EXOC6B: variants seen among roughly 807,000 people sequenced by gnomAD.
EXOC6B encodes the protein SEC15 homolog B.
Under a neutral mutation model 113.5 loss-of-function variants are expected in EXOC6B, and 54 were observed. The observed-to-expected ratio is 0.48, with a 90% confidence interval of 0.38 to 0.60. EXOC6B has a LOEUF of 0.60. Among genes scored for constraint, EXOC6B ranks in the 20% least tolerant of loss-of-function variants. The pLI is 0.00. For synonymous variants in EXOC6B, 357 were observed against 339.0 expected, an observed-to-expected ratio of 1.05 and a Z score of -0.58; for missense variants, 797 against 977.5, an observed-to-expected ratio of 0.82 and a Z score of 2.46.
intron 6 of EXOC6B, among the ~76,000 whole-genome samples, chr2:72,717,724 C>T (rs752124315): frequency 2.6e-5 from 4 of 151,542 alleles, no homozygotes; most frequent in African/African-American, 7.3e-5. Context: ...ATCTTGCTTA[C>T]GTAGTAAATA....
intron 1 of EXOC6B, among the ~76,000 whole-genome samples, chr2:72,761,948 T>TA (rs922584603): frequency 1.2e-4 from 18 of 150,470 alleles, no homozygotes; most frequent in African/African-American, 3.4e-4. Flanking sequence ...ATCTCAAATT[T>TA]AAAAAAAAGA....
At chr2:72,640,271 G>A (rs765050856) in intron 6 of EXOC6B, among the ~76,000 whole-genome samples, 37 of 152,162 alleles carry the variant, frequency 2.4e-4, no homozygotes, top group Non-Finnish European at 5.0e-4. Flanking sequence ...AAGAATCTCA[G>A]AGCTTGAAGA....
chr2:72,818,148 T>C (rs1686373610), intron 1 of EXOC6B, among the ~76,000 whole-genome samples: 3 of 151,808 alleles, frequency 2.0e-5, no homozygotes, highest in South Asian at 4.2e-4. Flanking sequence ...ATTTTTGTTT[T>C]GTTTTCTTTT....
intron 5 of EXOC6B, 47 bp from the exon 6 acceptor site, chr2:72,718,354 G>T: frequency 6.5e-7 from 1 of 1,547,478 alleles, no homozygotes; most frequent in Non-Finnish European, 8.9e-7. Context: ...TTTCTTTAGG[G>T]TTAGGCAAAA....
intron 6 of EXOC6B, among the ~76,000 whole-genome samples, chr2:72,684,010 C>T (rs1676905114): frequency 6.6e-6 from 1 of 152,184 alleles, no homozygotes; most frequent in Non-Finnish European, 1.5e-5. Context: ...TGGCTCACTG[C>T]AACCTCCGCT....
At chr2:72,818,474 T>C (rs1192900873) in intron 1 of EXOC6B, among the ~76,000 whole-genome samples, 1 of 152,036 alleles carries the variant, frequency 6.6e-6, no homozygotes, top group Middle Eastern at 3.2e-3. Flanking sequence ...TTTGTATTTT[T>C]AGTAGAGACA....
intron 20 of EXOC6B, among the ~76,000 whole-genome samples, chr2:72,248,404 C>T (rs917785568): frequency 6.6e-6 from 1 of 152,122 alleles, no homozygotes; most frequent in Non-Finnish European, 1.5e-5. Context: ...ACTGTAAACT[C>T]TTCACAGGGA....
At chr2:72,666,717 T>C (rs1199546313) in intron 6 of EXOC6B, among the ~76,000 whole-genome samples, 1 of 151,438 alleles carries the variant, frequency 6.6e-6, no homozygotes, top group Non-Finnish European at 1.5e-5. Flanking sequence ...ATCAGTAGCA[T>C]TTCTATACAC....
intron 18 of EXOC6B, among the ~76,000 whole-genome samples, chr2:72,396,947 C>T (rs948691327): frequency 1.1e-4 from 16 of 150,704 alleles, no homozygotes; most frequent in African/African-American, 1.5e-4. Flanking sequence ...CAGACATTGG[C>T]GACTGGGAGA....
At chr2:72,277,769 C>T (rs559800535) in intron 20 of EXOC6B, among the ~76,000 whole-genome samples, 21 of 152,198 alleles carry the variant, frequency 1.4e-4, no homozygotes, top group Non-Finnish European at 2.6e-4. Context: ...GCTGGGATTA[C>T]AGGTGTGAGC....
chr2:72,725,878 T>A (rs1308233590), intron 5 of EXOC6B, among the ~76,000 whole-genome samples: 2 of 152,198 alleles, frequency 1.3e-5, no homozygotes, highest in Non-Finnish European at 2.9e-5. Flanking sequence ...TACTCCTAAG[T>A]ATATTTGCAA....
intron 20 of EXOC6B, among the ~76,000 whole-genome samples, chr2:72,259,803 C>T (rs1460184600): frequency 1.4e-5 from 2 of 145,356 alleles, no homozygotes; most frequent in Non-Finnish European, 3.0e-5. Flanking sequence ...GTAATCCCAG[C>T]ACTTTGGGAA....
At position 72,704,058 on chromosome 2, in the gene EXOC6B, A is replaced by C. The variant is rs1401278760; in HGVS notation, c.669+14045T>G. Among the ~76,000 whole-genome samples, 5 of 151,354 alleles carry C rather than the reference A, an allele frequency of 3.3e-5. No individual in the cohort carries two copies. The East Asian group carries it at 9.7e-4, about 29-fold the overall frequency. On this transcript the variant is annotated intron_variant, in intron 6 of 21. Coordinates refer to ENST00000272427, the MANE Select transcript of EXOC6B (RefSeq NM_015189.3). ...AGCACCACACCACACCTATTCCAAAATTGACCACATACTGGGAAGTAAAGC... is the reference window on the plus strand; with the variant it reads ...AGCACCACACCACACCTATTCCAAACTTGACCACATACTGGGAAGTAAAGC...
At chr2:72,781,356 A>T (rs534605985) in intron 1 of EXOC6B, among the ~76,000 whole-genome samples, 1 of 152,252 alleles carries the variant, frequency 6.6e-6, no homozygotes, top group South Asian at 2.1e-4. Flanking sequence ...AACAATAAAG[A>T]TTTCTTTCTG....
intron 18 of EXOC6B, among the ~76,000 whole-genome samples, chr2:72,432,532 A>G (rs1332069648): frequency 6.6e-6 from 1 of 151,988 alleles, no homozygotes; most frequent in African/African-American, 2.4e-5. Flanking sequence ...ACTAATTTAC[A>G]CTCCCACCAG....
In EXOC6B at chr2:72,280,835, G is replaced by A. The variant is rs184919235; in HGVS notation, c.2196+54112C>T. ...GAGAGGCAAAGAGGCTAAGAGAACT[G>A]CTGGCAAACTCACAGCTGGATAAAC... On this transcript the variant is annotated intron_variant, in intron 20 of 21. Coordinates refer to ENST00000272427, the MANE Select transcript of EXOC6B (RefSeq NM_015189.3). Among the ~76,000 whole-genome samples the A allele has an allele frequency of 3.2e-4, 49 of 152,134 alleles. 1 individual carries two copies. In the East Asian group the frequency reaches 8.9e-3, roughly 28 times the overall value.
At chr2:72,372,199 G>A (rs1363494768) in intron 19 of EXOC6B, among the ~76,000 whole-genome samples, 4 of 152,266 alleles carry the variant, frequency 2.6e-5, no homozygotes, top group Middle Eastern at 6.8e-3. Context: ...GACATTGCAT[G>A]GTCATGGATT....
chr2:72,369,487 G>T (rs1396758070), intron 19 of EXOC6B, among the ~76,000 whole-genome samples: 16 of 152,110 alleles, frequency 1.1e-4, no homozygotes, highest in African/African-American at 3.4e-4. Context: ...CCAATGACTT[G>T]CTTCACAGAA....
At chr2:72,705,008 A>C (rs1018605047) in intron 6 of EXOC6B, among the ~76,000 whole-genome samples, 1 of 152,104 alleles carries the variant, frequency 6.6e-6, no homozygotes, top group African/African-American at 2.4e-5. Context: ...TACCAAAGCC[A>C]GGCAGAGACA....
Sources: gnomAD v4.1 joint callset for allele counts (sites outside exome capture counted in the v4.1 genomes callset) on GRCh38, gnomAD v4.1.1 for gene constraint, MANE v1.5 for transcripts, NCBI Gene and HGNC (gene_info 2026-07-23, HGNC 2026-07-21) for gene names.